Variants in MYO9A observed in about 807,000 individuals in gnomAD.
MYO9A encodes the protein myosin IXA.
Under a neutral mutation model 293.3 loss-of-function variants are expected in MYO9A, and 103 were observed. The ratio of observed to expected loss-of-function variants is 0.35; its 90% CI spans 0.30 to 0.41. The LOEUF is 0.41. Among genes scored for constraint, MYO9A ranks in the 10% least tolerant of loss-of-function variants. The pLI is 1.00. For missense variants in MYO9A, 2,685 were observed against 3,033.0 expected (o/e 0.89, Z 2.69); for synonymous variants, 1,001 against 1,035.7 (o/e 0.97, Z 0.64).
intron 3 of MYO9A, among the ~76,000 whole-genome samples, chr15:72,028,242 T>A (rs1235773774): frequency 8.2e-6 from 1 of 121,684 alleles, no homozygotes; most frequent in African/African-American, 2.8e-5. Context: ...TATATATAAA[T>A]ATATATATGT....
chr15:72,045,114 AT>A, intron 2 of MYO9A: 1 of 152,066 alleles, frequency 6.6e-6, no homozygotes, highest in Admixed American at 6.5e-5. Flanking sequence ...TTTTTTTTAA[AT>A]TGCTGCTCCT....
chr15:71,985,337 T>C (rs968231957), intron 11 of MYO9A, among the ~76,000 whole-genome samples: 1 of 152,202 alleles, frequency 6.6e-6, no homozygotes, highest in Non-Finnish European at 1.5e-5. Flanking sequence ...TGAAAAATTA[T>C]AAAGATAATT....
intron 1 of MYO9A, among the ~76,000 whole-genome samples, chr15:72,071,877 T>C (rs879067269): frequency 1.3e-5 from 2 of 152,066 alleles, no homozygotes; most frequent in Non-Finnish European, 2.9e-5. Flanking sequence ...CTACTGAGTA[T>C]CTACCCAAAG....
chr15:72,117,774 A>C lies in MYO9A; in HGVS notation c.-166T>G. On this transcript the variant is annotated 5_prime_UTR_variant, in exon 1 of 42. Coordinates refer to ENST00000356056, the MANE Select transcript of MYO9A (RefSeq NM_006901.4). ...CCAGGGTAGGACCGGAGATGGCAGA[A>C]GAGGCCGAGGCCACCGAGGGTCGGA... is the stretch of plus-strand genomic sequence containing the variant. The C allele has an allele frequency of 1.0e-5, 4 of 398,068 alleles. No individual in the cohort carries two copies. Among genetic ancestry groups the C allele is most frequent in the Non-Finnish European group, 1.8e-5 (4 of 225,364 alleles). 24.7% of individuals were successfully genotyped at this position (398,068 alleles called of 1,614,324 possible).
chr15:71,872,248 G>C (rs1196455564), intron 32 of MYO9A, among the ~76,000 whole-genome samples: 1 of 151,240 alleles, frequency 6.6e-6, no homozygotes, highest in Non-Finnish European at 1.5e-5. Flanking sequence ...AGGGAGGAAG[G>C]AAAAAAAATA....
chr15:71,850,765 CAAAAAAAAAAAAAAAAAAAAAAAA>C (rs780727961), intron 37 of MYO9A, among the ~76,000 whole-genome samples: 6 of 44,142 alleles, frequency 1.4e-4, no homozygotes, highest in African/African-American at 5.0e-4. Flanking sequence ...AACTGTGTCT[CAAAAAAAAAAAAAAAAAAAAAAAA>C]AAAAAAAAAA....
Position 72,046,133 on chromosome 15 carries a change from T to C in MYO9A, c.431A>G (p.Gln144Arg). 1.2e-6 allele frequency: 2 copies of C among 1,614,200 alleles called. No individual in the cohort carries two copies. Among genetic ancestry groups the C allele is most frequent in the Non-Finnish European group, 1.7e-6 (2 of 1,180,022 alleles). Residue 144 changes from glutamine to arginine, a missense_variant, in exon 2 of 42, where the codon CAA becomes CGA. Around this residue, in one of 10 missense-constraint regions of MYO9A, gnomAD observed 289 missense variants for 456.8 expected, o/e 0.63. Transcript: ENST00000356056. ...ACATAAATCATCAAAGTCTTTCTGT[T>C]GAGGCTGTGGAAGAAAACCCCGTTC... ...MMERGFLPQP[Q>R]QKDFDDLCSL... is the part of the protein sequence containing the mutation.
chr15:71,962,785 T>C (rs2075777182), intron 13 of MYO9A, among the ~76,000 whole-genome samples: 1 of 152,188 alleles, frequency 6.6e-6, no homozygotes. Flanking sequence ...CTACTCCTAT[T>C]AATAACTACA....
chr15:71,875,264 C>A (rs574196314), intron 32 of MYO9A, among the ~76,000 whole-genome samples: 20 of 151,970 alleles, frequency 1.3e-4, no homozygotes, highest in Middle Eastern at 6.8e-3. Flanking sequence ...TTTATTTAAT[C>A]ATTTCCCTAT....
chr15:72,057,555 G>C (rs1270679228), intron 1 of MYO9A, among the ~76,000 whole-genome samples: 2 of 152,166 alleles, frequency 1.3e-5, no homozygotes, highest in African/African-American at 4.8e-5. Flanking sequence ...GACATTTGCT[G>C]TGACCCAGGC....
At chr15:72,012,587 C>T (rs2077205694) in intron 6 of MYO9A, among the ~76,000 whole-genome samples, 1 of 152,110 alleles carries the variant, frequency 6.6e-6, no homozygotes, top group Non-Finnish European at 1.5e-5. Context: ...AGTAAGCCAC[C>T]GTACCCAGCC....
intron 6 of MYO9A, among the ~76,000 whole-genome samples, chr15:72,012,498 A>T (rs1227417542): frequency 6.6e-6 from 1 of 152,050 alleles, no homozygotes; most frequent in African/African-American, 2.4e-5. Context: ...GGGTTTTACC[A>T]CATTGGCCAG....
At chr15:72,016,951 A>C (rs2077358470) in intron 6 of MYO9A, among the ~76,000 whole-genome samples, 1 of 151,738 alleles carries the variant, frequency 6.6e-6, no homozygotes, top group African/African-American at 2.4e-5. Context: ...AAAATAAATG[A>C]AACTGGAAAA....
intron 39 of MYO9A, among the ~76,000 whole-genome samples, chr15:71,847,800 ATATCT>A (rs1436256197): frequency 6.6e-6 from 1 of 152,136 alleles, no homozygotes; most frequent in Non-Finnish European, 1.5e-5. Context: ...GTTTTATTTA[ATATCT>A]TTACTGCCTG....
At chr15:72,050,971 T>C (rs548232377) in intron 1 of MYO9A, among the ~76,000 whole-genome samples, 56 of 152,356 alleles carry the variant, frequency 3.7e-4, no homozygotes, top group African/African-American at 1.3e-3. Context: ...TTTCTTGTAG[T>C]CTTCCTGATA....
intron 32 of MYO9A, 77 bp from the exon 33 acceptor site, chr15:71,862,688 A>G (rs754460089): frequency 3.0e-5 from 27 of 908,582 alleles, no homozygotes; most frequent in Non-Finnish European, 3.9e-5. Context: ...AAATCCTTCA[A>G]TCTCTTGTTA....
At chr15:71,923,496 C>T (rs1224590309) in intron 18 of MYO9A, among the ~76,000 whole-genome samples, 1 of 152,206 alleles carries the variant, frequency 6.6e-6, no homozygotes, top group Non-Finnish European at 1.5e-5. Context: ...ATGTAATGGA[C>T]TTTTCTTCAA....
intron 1 of MYO9A, among the ~76,000 whole-genome samples, chr15:72,076,737 C>T (rs934829010): frequency 2.6e-5 from 4 of 152,120 alleles, no homozygotes; most frequent in South Asian, 2.1e-4. Flanking sequence ...TGAATATTGA[C>T]AAACTTATAT....
intron 9 of MYO9A, among the ~76,000 whole-genome samples, chr15:71,997,593 G>T (rs777564293): frequency 6.6e-6 from 1 of 151,264 alleles, no homozygotes; most frequent in Non-Finnish European, 1.5e-5. Flanking sequence ...TGCGAGACTC[G>T]TCTCAAAAAA....
Sources: allele counts gnomAD v4.1 joint callset (sites outside exome capture counted in the v4.1 genomes callset), GRCh38; gene constraint gnomAD v4.1.1; regional missense constraint gnomAD v4.1.1; transcripts MANE v1.5; gene names NCBI Gene and HGNC (gene_info 2026-07-23, HGNC 2026-07-21).